LTBP1: variants seen among roughly 807,000 people sequenced by gnomAD.
LTBP1 encodes the protein latent-transforming growth factor beta-binding protein 1.
LTBP1 carries 129 observed loss-of-function variants against 207.6 expected under a neutral mutation model. The observed-to-expected ratio is 0.62, with a 90% CI of 0.54 to 0.72. The LOEUF is 0.72. LTBP1 is among the 30% of genes least tolerant of loss of function. The probability of loss-of-function intolerance (pLI) is 0.00; values close to 1 mark genes in which losing one functional copy is unlikely to be tolerated. For missense variants in LTBP1, 2,281 were observed against 2,217.2 expected, an observed-to-expected ratio of 1.03 and a Z score of -0.58; for synonymous variants, 963 against 833.7, an observed-to-expected ratio of 1.16 and a Z score of -2.67.
intron 26 of LTBP1, among the ~76,000 whole-genome samples, chr2:33,359,305 A>G (rs546429418): frequency 1.3e-5 from 2 of 152,356 alleles, no homozygotes; most frequent in East Asian, 3.9e-4. Flanking sequence ...GAGAAAGGGC[A>G]GTAGCTTTTC....
rs566112734 is a variant in LTBP1, at chr2:33,089,063, G to A, written c.864-21519G>A. Among the ~76,000 whole-genome samples the A allele has an allele frequency of 1.7e-4, 25 of 149,888 alleles. No individual in the cohort carries two copies. The South Asian group carries it at 5.3e-3, about 32-fold the overall frequency. ...CCCAGCTACTCGGGAGGCTGAGGCAGGAGAATCGCTTGAACCCGGGAGGTA... is the reference window on the plus strand; with the variant it reads ...CCCAGCTACTCGGGAGGCTGAGGCAAGAGAATCGCTTGAACCCGGGAGGTA... On this transcript the variant is annotated intron_variant, in intron 3 of 33. Coordinates refer to ENST00000404816, the MANE Select transcript of LTBP1 (RefSeq NM_206943.4).
intron 2 of LTBP1, among the ~76,000 whole-genome samples, chr2:32,988,834 A>G (rs1014520043): frequency 2.6e-5 from 4 of 152,252 alleles, no homozygotes; most frequent in African/African-American, 9.6e-5. Context: ...GAATGTAATT[A>G]TCCATATAGG....
intron 2 of LTBP1, among the ~76,000 whole-genome samples, chr2:32,950,268 G>A (rs762914580): frequency 1.5e-4 from 23 of 152,132 alleles, no homozygotes; most frequent in Non-Finnish European, 3.1e-4. Context: ...TTAAAAATAC[G>A]GAATAGGGCC....
At chr2:33,057,749 C>A (rs569934518) in intron 3 of LTBP1, among the ~76,000 whole-genome samples, 8 of 152,346 alleles carry the variant, frequency 5.3e-5, no homozygotes, top group East Asian at 3.9e-4. Context: ...CCACGCTCAC[C>A]GGGAACTCTA....
chr2:33,032,875 A>G (rs866069724), intron 3 of LTBP1, among the ~76,000 whole-genome samples: 2 of 152,232 alleles, frequency 1.3e-5, no homozygotes, highest in African/African-American at 4.8e-5. Context: ...TGCTTTTCAT[A>G]CCTAGTGAGG....
At chr2:33,015,069 A>G (rs1347276621) in intron 2 of LTBP1, among the ~76,000 whole-genome samples, 1 of 149,658 alleles carries the variant, frequency 6.7e-6, no homozygotes, top group African/African-American at 2.5e-5. Context: ...GCCTACAATA[A>G]CCTCCTAAAT....
At chr2:33,259,939 C>A (rs999886502) in intron 13 of LTBP1, among the ~76,000 whole-genome samples, 1 of 152,102 alleles carries the variant, frequency 6.6e-6, no homozygotes, top group African/African-American at 2.4e-5. Context: ...TGGCCTGGAC[C>A]ATCTGTGAAA....
chr2:33,377,926 G>A (rs935944233), intron 31 of LTBP1, among the ~76,000 whole-genome samples: 5 of 152,136 alleles, frequency 3.3e-5, no homozygotes, highest in African/African-American at 9.7e-5. Flanking sequence ...TGAGAACAGC[G>A]TGGGGGAAAC....
intron 15 of LTBP1, among the ~76,000 whole-genome samples, chr2:33,265,347 T>C (rs1379210218): frequency 6.6e-6 from 1 of 152,222 alleles, no homozygotes; most frequent in Non-Finnish European, 1.5e-5. Flanking sequence ...TTTTAAGACA[T>C]CTTGTCTAAG....
intron 2 of LTBP1, among the ~76,000 whole-genome samples, chr2:32,951,398 GT>G (rs1394727188): frequency 1.3e-5 from 2 of 152,222 alleles, no homozygotes; most frequent in African/African-American, 4.8e-5. Context: ...TATCTCTGAG[GT>G]GGATATTTAA....
In LTBP1 at chr2:33,010,953, C is replaced by T. The variant is rs566848079; in HGVS notation, c.566-9956C>T. Among the ~76,000 whole-genome samples, 19 of 152,124 alleles carry T rather than the reference C, an allele frequency of 1.2e-4. No individual in the cohort carries two copies. The East Asian group carries it at 2.1e-3, about 17-fold the overall frequency. ...CAGGATGGTCTCGATCTCTTGACCC[C>T]GTGATCTGCCTGCCTCGACCTCCCA... On this transcript the variant is annotated intron_variant, in intron 2 of 33. Coordinates refer to ENST00000404816, the MANE Select transcript of LTBP1 (RefSeq NM_206943.4).
At chr2:32,983,273 T>A (rs1683044049) in intron 2 of LTBP1, among the ~76,000 whole-genome samples, 1 of 152,240 alleles carries the variant, frequency 6.6e-6, no homozygotes, top group African/African-American at 2.4e-5. Context: ...TTGTTTTGGC[T>A]AATTTCTCCC....
chr2:33,142,074 C>T (rs1037740075), intron 5 of LTBP1, among the ~76,000 whole-genome samples: 11 of 151,894 alleles, frequency 7.2e-5, no homozygotes, highest in Admixed American at 3.3e-4. Flanking sequence ...TTTTTTTAGA[C>T]GGAGTCTAAC....
At chr2:33,231,376 C>T (rs972920995) in intron 9 of LTBP1, among the ~76,000 whole-genome samples, 6 of 152,278 alleles carry the variant, frequency 3.9e-5, no homozygotes, top group African/African-American at 1.2e-4. Flanking sequence ...AAAAGTTCCT[C>T]GGAGTGCATC....
intron 7 of LTBP1, among the ~76,000 whole-genome samples, chr2:33,214,440 C>G (rs1244392141): frequency 6.6e-6 from 1 of 152,178 alleles, no homozygotes; most frequent in Admixed American, 6.5e-5. Flanking sequence ...TCTTCTTCTC[C>G]CCACTCTGCG....
At chr2:33,016,497 C>G (rs375409307) in intron 2 of LTBP1, among the ~76,000 whole-genome samples, 104 of 152,234 alleles carry the variant, frequency 6.8e-4, no homozygotes, top group Non-Finnish European at 1.1e-3. Flanking sequence ...AGCCCTCCCC[C>G]GCTAGAGATT....
chr2:32,966,070 T>A (rs2148502392), intron 2 of LTBP1, among the ~76,000 whole-genome samples: 1 of 152,274 alleles, frequency 6.6e-6, no homozygotes, highest in South Asian at 2.1e-4. Context: ...AATTTGCAGT[T>A]CCCTAATAAA....
At chr2:33,347,281 C>A in intron 25 of LTBP1, 86 bp from the exon 26 acceptor site, 1 of 1,500,128 alleles carries the variant, frequency 6.7e-7, no homozygotes. Flanking sequence ...TTCAGCAAGA[C>A]ACTATTAGCC....
chr2:32,987,176 A>G (rs1251626409), intron 2 of LTBP1, among the ~76,000 whole-genome samples: 1 of 152,186 alleles, frequency 6.6e-6, no homozygotes, highest in Non-Finnish European at 1.5e-5. Flanking sequence ...CCATCTTGTG[A>G]TGAGAGCAAG....
Sources: allele counts gnomAD v4.1 joint callset (sites outside exome capture counted in the v4.1 genomes callset), GRCh38; gene constraint gnomAD v4.1.1; transcripts MANE v1.5; gene names NCBI Gene and HGNC (gene_info 2026-07-23, HGNC 2026-07-21).